The following PCDHA6 variants were observed in gnomAD, a reference collection of about 807,000 sequenced individuals.
PCDHA6 encodes protocadherin alpha-6.
PCDHA6 carries 55 observed loss-of-function variants against 60.3 expected under a neutral mutation model. That is an observed-to-expected ratio of 0.91 (90% CI 0.73 to 1.14). The LOEUF (loss-of-function observed/expected upper bound fraction) is 1.14. Among genes scored for constraint, PCDHA6 ranks in the 50% most tolerant of loss-of-function variants. PCDHA6 has a pLI of 0.00. For synonymous variants in PCDHA6, 652 were observed against 557.9 expected, an observed-to-expected ratio of 1.17 and a Z score of -2.38; for missense variants, 1,327 against 1,256.5, an observed-to-expected ratio of 1.06 and a Z score of -0.85.
intron 1 of PCDHA6, chr5:140,867,441 G>A (rs1188505395): frequency 1.3e-5 from 2 of 152,032 alleles, no homozygotes; most frequent in African/African-American, 4.8e-5. Flanking sequence ...GCATTTACCT[G>A]AATTAGAGTT....
chr5:140,884,734 C>G, intron 1 of PCDHA6: 1 of 1,445,332 alleles, frequency 6.9e-7, no homozygotes. Flanking sequence ...TTTAAGACAT[C>G]TTTCCTGCCA....
intron 1 of PCDHA6, chr5:140,883,300 T>C (rs782541976): frequency 6.2e-7 from 1 of 1,613,974 alleles, no homozygotes; most frequent in African/African-American, 1.3e-5. Flanking sequence ...TAGATGTAAA[T>C]GATAACGCCC....
At chr5:140,842,623 G>T in intron 1 of PCDHA6, 2 of 1,579,148 alleles carry the variant, frequency 1.3e-6, no homozygotes, top group Non-Finnish European at 1.7e-6. Context: ...GCTCGCCTTC[G>T]CTGTGGGCCA....
At chr5:140,979,054 A>G (rs782082075) in intron 2 of PCDHA6, 47 bp downstream of exon 2, 6 of 1,607,592 alleles carry the variant, frequency 3.7e-6, no homozygotes, top group Non-Finnish European at 4.3e-6. Flanking sequence ...TTAACTTGGT[A>G]TGGCTCAGAT....
intron 1 of PCDHA6, among the ~76,000 whole-genome samples, chr5:140,977,021 A>G (rs1249097233): frequency 1.3e-5 from 2 of 152,190 alleles, no homozygotes; most frequent in East Asian, 3.8e-4. Context: ...ATTCTGTCAA[A>G]TGAATCTAAG....
chr5:140,958,162 C>A lies in PCDHA6; in HGVS notation c.2395-20787C>A, dbSNP rs574337485. Among the ~76,000 whole-genome samples the A allele has an allele frequency of 1.1e-4, 16 of 152,028 alleles. No homozygotes were observed. The South Asian group carries it at 3.3e-3, about 32-fold the overall frequency. Reference sequence around the variant, plus strand: ...ATATTTATATAGCATAGTCAAAAGCCTGGAGTGATATAAATTTTCTGTTAC... The same window carrying A: ...ATATTTATATAGCATAGTCAAAAGCATGGAGTGATATAAATTTTCTGTTAC... On this transcript the variant is annotated intron_variant, in intron 1 of 3. Coordinates refer to ENST00000529310, the MANE Select transcript of PCDHA6 (RefSeq NM_018909.4).
intron 1 of PCDHA6, chr5:140,928,687 C>A (rs782599747): frequency 6.2e-7 from 1 of 1,614,142 alleles, no homozygotes. Context: ...GCTTTCCTAC[C>A]ACATCTCCCG....
In PCDHA6 at chr5:140,835,789, C is replaced by T. The variant is rs2150244748; in HGVS notation, c.2394+5304C>T. The T allele has an allele frequency of 6.8e-6, 11 of 1,612,988 alleles. No individual in the cohort carries two copies. The South Asian group carries it at 9.9e-5, about 14-fold the overall frequency. ...ACGGTGTTCGTGAAGGAGAACAACC[C>T]GCCGGGCTGCCACATCTTCACTGTG... On this transcript the variant is annotated intron_variant, in intron 1 of 3. Transcript: ENST00000529310.
In PCDHA6 at chr5:141,009,991, T is replaced by G. The variant is rs929729966; in HGVS notation, c.*54T>G. Reference sequence around the variant, plus strand: ...CCAGTTTTTGTAATAATGGCAAATCTCTCCCATGTAGCAATTCCCTGCTCC... The same window carrying G: ...CCAGTTTTTGTAATAATGGCAAATCGCTCCCATGTAGCAATTCCCTGCTCC... On this transcript the variant is annotated 3_prime_UTR_variant, in exon 4 of 4. Coordinates refer to ENST00000529310, the MANE Select transcript of PCDHA6 (RefSeq NM_018909.4). 13 of 1,578,088 alleles carry G rather than the reference T, an allele frequency of 8.2e-6. No individual in the cohort carries two copies. In the East Asian group the frequency reaches 2.5e-4, roughly 30 times the overall value.
Position 140,830,113 on chromosome 5 carries a change from G to A in PCDHA6, c.2022G>A (p.Gln674=). 1 of 1,613,562 alleles carries A rather than the reference G, an allele frequency of 6.2e-7. No individual in the cohort carries two copies. The highest frequency in any genetic ancestry group is 1.3e-5 in the African/African-American group (1 of 75,054). The change falls in exon 1 of 4, where the codon CAG becomes CAA. Residue 674 remains glutamine, a synonymous_variant. Transcript: ENST00000529310. The part of the protein sequence containing the change: ...TVLVSLVESG[Q]APKASSRASV... ...TGGTGTCGCTGGTGGAGAGTGGCCA[G>A]GCTCCAAAGGCGTCATCACGGGCGT...
rs76033389 is a variant in PCDHA6, at chr5:140,874,549, G to A, written c.2394+44064G>A. Among the ~76,000 whole-genome samples, 707 of 152,298 alleles carry A rather than the reference G, an allele frequency of 4.6e-3. 3 individuals are homozygous for A. The highest frequency in any genetic ancestry group is 0.016 in the African/African-American group (683 of 41,566). On this transcript the variant is annotated intron_variant, in intron 1 of 3. Transcript: ENST00000529310. ...GATTAGGCTCCAAAACCCTTTAAGA[G>A]ATCTTTCGCATTTTAGTGCTCCATT...
chr5:141,009,595 C>G (rs781807814), intron 3 of PCDHA6, 32 bp from the exon 4 acceptor site: 1 of 1,604,124 alleles, frequency 6.2e-7, no homozygotes, highest in Non-Finnish European at 8.5e-7. Flanking sequence ...TGTGTTGACC[C>G]TGTTAATGAT....
rs1562294206 is a variant in PCDHA6 at position 140,828,152 on chromosome 5, C to CT, written c.62dup (p.Ala22ArgfsTer106). ...ATGTCTGCTCCTCCCGCTTCTGCTC[C>CT]TCGCAGCCTGGAAGGTGGGGAGCGG... is the stretch of plus-strand genomic sequence containing the variant. On this transcript the variant is annotated frameshift_variant, in exon 1 of 4. Coordinates refer to ENST00000529310, the MANE Select transcript of PCDHA6 (RefSeq NM_018909.4). LOFTEE classifies it high-confidence loss of function. 3.7e-6 allele frequency: 6 copies of CT among 1,614,028 alleles called. No homozygotes were observed. The highest frequency in any genetic ancestry group is 4.2e-6 in the Non-Finnish European group (5 of 1,180,006).
chr5:140,872,703 G>C (rs1582092486), intron 1 of PCDHA6, among the ~76,000 whole-genome samples: 1 of 152,114 alleles, frequency 6.6e-6, no homozygotes, highest in Admixed American at 6.5e-5. Context: ...TGATTCCAAA[G>C]GAAACTAGGT....
intron 1 of PCDHA6, among the ~76,000 whole-genome samples, chr5:140,907,337 A>G (rs2073315694): frequency 6.6e-6 from 1 of 152,210 alleles, no homozygotes; most frequent in Non-Finnish European, 1.5e-5. Flanking sequence ...TTCCATATGC[A>G]TGAGCCCGCT....
chr5:140,906,593 T>C (rs2072768257), intron 1 of PCDHA6, among the ~76,000 whole-genome samples: 1 of 152,242 alleles, frequency 6.6e-6, no homozygotes, highest in Admixed American at 6.5e-5. Flanking sequence ...TACCTTCCTC[T>C]ACTACTCATT....
At chr5:140,846,889 C>A (rs1378591011) in intron 1 of PCDHA6, among the ~76,000 whole-genome samples, 1 of 149,358 alleles carries the variant, frequency 6.7e-6, no homozygotes. Flanking sequence ...ATCAGAATGA[C>A]GTTGAAGTTG....
At chr5:140,876,923 C>T in intron 1 of PCDHA6, 1 of 1,613,834 alleles carries the variant, frequency 6.2e-7, no homozygotes. Flanking sequence ...GACGCGGACG[C>T]GCAGAAGAAC....
At chr5:140,904,275 C>A (rs169087) in intron 1 of PCDHA6, among the ~76,000 whole-genome samples, 7,060 of 152,068 alleles carry the variant, frequency 0.046, 292 homozygotes, top group African/African-American at 0.11. Flanking sequence ...TGAATGAGAA[C>A]ATGTGGTGTT....
Sources: allele counts gnomAD v4.1 joint callset (sites outside exome capture counted in the v4.1 genomes callset), GRCh38; gene constraint gnomAD v4.1.1; transcripts MANE v1.5; gene names NCBI Gene and HGNC (gene_info 2026-07-23, HGNC 2026-07-21).